GALNT17: variants seen among roughly 807,000 people sequenced by gnomAD.
GALNT17 encodes polypeptide N-acetylgalactosaminyltransferase 17, also known as UDP-GalNAc:polypeptide N-acetylgalactosaminyltransferase-like 3.
In GALNT17, 29 loss-of-function variants were observed where a neutral mutation model predicts 63.7. The ratio of observed to expected loss-of-function variants is 0.46; its 90% CI spans 0.34 to 0.62. GALNT17 has a LOEUF of 0.62. Among genes scored for constraint, GALNT17 ranks in the 20% least tolerant of loss-of-function variants. The pLI is 0.01. For synonymous variants in GALNT17, 305 were observed against 318.3 expected (o/e 0.96, Z 0.45); for missense variants, 603 against 799.6 (o/e 0.75, Z 2.97).
intron 2 of GALNT17, among the ~76,000 whole-genome samples, chr7:71,358,576 G>A (rs535094993): frequency 3.9e-5 from 6 of 152,142 alleles, no homozygotes; most frequent in South Asian, 4.2e-4. Context: ...TTTTCCTTGC[G>A]CTCTGTATGA....
At chr7:71,698,468 AT>A (rs1791578095) in intron 9 of GALNT17, among the ~76,000 whole-genome samples, 1 of 152,210 alleles carries the variant, frequency 6.6e-6, no homozygotes, top group South Asian at 2.1e-4. Context: ...AAGTGATCAG[AT>A]TTGGTATCCT....
chr7:71,219,325 AAT>A (rs1789542158), intron 1 of GALNT17, among the ~76,000 whole-genome samples: 1 of 152,144 alleles, frequency 6.6e-6, no homozygotes, highest in Non-Finnish European at 1.5e-5. Context: ...AGCCTTTACC[AAT>A]ATGTGTATCT....
At chr7:71,361,523 T>TC (rs1436657083) in intron 2 of GALNT17, among the ~76,000 whole-genome samples, 1 of 152,184 alleles carries the variant, frequency 6.6e-6, no homozygotes, top group African/African-American at 2.4e-5. Context: ...ATTTACTATA[T>TC]AGTAGACACA....
chr7:71,507,719 G>C (rs1788290307), intron 5 of GALNT17, among the ~76,000 whole-genome samples: 1 of 152,214 alleles, frequency 6.6e-6, no homozygotes, highest in African/African-American at 2.4e-5. Flanking sequence ...TTTATTACCT[G>C]TCAGGTAAAA....
intron 6 of GALNT17, among the ~76,000 whole-genome samples, chr7:71,603,925 T>C (rs554777348): frequency 8.2e-5 from 10 of 121,282 alleles, no homozygotes; most frequent in South Asian, 2.8e-4. Flanking sequence ...GCTAAGTGCA[T>C]TTACCAGGCA....
chr7:71,571,091 AACCCAGTACATGCTAGG>A, intron 5 of GALNT17, among the ~76,000 whole-genome samples, 177 bp from the exon 6 acceptor site: 1 of 108,014 alleles, frequency 9.3e-6, no homozygotes, highest in Non-Finnish European at 2.2e-5. Context: ...GCTAGGCTGG[AACCCAGTACATGCTAGG>A]CTGGAACCCA....
intron 1 of GALNT17, among the ~76,000 whole-genome samples, chr7:71,220,443 G>A (rs1337803790): frequency 6.6e-6 from 1 of 152,158 alleles, no homozygotes; most frequent in East Asian, 1.9e-4. Context: ...CACATTGTAC[G>A]TGACTTTCAT....
At chr7:71,446,220 C>A (rs576974560) in intron 5 of GALNT17, among the ~76,000 whole-genome samples, 1 of 152,186 alleles carries the variant, frequency 6.6e-6, no homozygotes, top group East Asian at 1.9e-4. Context: ...CCTAGGAGAC[C>A]AATCACTTTA....
At chr7:71,482,450 A>T (rs1000792978) in intron 5 of GALNT17, among the ~76,000 whole-genome samples, 1 of 152,070 alleles carries the variant, frequency 6.6e-6, no homozygotes, top group African/African-American at 2.4e-5. Flanking sequence ...GCACCTGCCG[A>T]CAGGGATACA....
At chr7:71,466,756 T>C (rs937919985) in intron 5 of GALNT17, among the ~76,000 whole-genome samples, 2 of 152,218 alleles carry the variant, frequency 1.3e-5, no homozygotes, top group East Asian at 3.9e-4. Flanking sequence ...AATTTAGCTC[T>C]TTTAACAGAT....
chr7:71,582,663 G>A (rs1332571848), intron 6 of GALNT17, among the ~76,000 whole-genome samples: 3 of 152,166 alleles, frequency 2.0e-5, no homozygotes, highest in Non-Finnish European at 4.4e-5. Context: ...AATGGCATTT[G>A]CAGCAACATG....
At chr7:71,348,898 A>T (rs73181662) in intron 2 of GALNT17, among the ~76,000 whole-genome samples, 2 of 152,104 alleles carry the variant, frequency 1.3e-5, no homozygotes, top group South Asian at 2.1e-4. Flanking sequence ...CTAGCAGTGC[A>T]CTGAGTTAAA....
At chr7:71,553,484 T>C (rs1375831785) in intron 5 of GALNT17, among the ~76,000 whole-genome samples, 1 of 152,200 alleles carries the variant, frequency 6.6e-6, no homozygotes, top group Non-Finnish European at 1.5e-5. Flanking sequence ...TGTTTATTTT[T>C]AAGACTTACG....
At chr7:71,560,742 G>T (rs1436701959) in intron 5 of GALNT17, among the ~76,000 whole-genome samples, 1 of 152,178 alleles carries the variant, frequency 6.6e-6, no homozygotes, top group Admixed American at 6.5e-5. Flanking sequence ...CCAACTAGGT[G>T]ACCATATAGG....
At chr7:71,319,740 C>A (rs1791569319) in intron 1 of GALNT17, among the ~76,000 whole-genome samples, 1 of 152,208 alleles carries the variant, frequency 6.6e-6, no homozygotes, top group Non-Finnish European at 1.5e-5. Context: ...ATTCAACATC[C>A]TTTGTTGCTC....
At chr7:71,421,548 A>G (rs954867563) in intron 5 of GALNT17, among the ~76,000 whole-genome samples, 2 of 152,110 alleles carry the variant, frequency 1.3e-5, no homozygotes, top group Non-Finnish European at 2.9e-5. Context: ...GAGGAACTGG[A>G]GGGATGTTGG....
chr7:71,611,832 G>A (rs1584089049), intron 6 of GALNT17, among the ~76,000 whole-genome samples: 1 of 152,138 alleles, frequency 6.6e-6, no homozygotes, highest in East Asian at 1.9e-4. Flanking sequence ...GTAAAGGGAT[G>A]GATGGAAGAA....
intron 6 of GALNT17, 91 bp from the exon 7 acceptor site, chr7:71,665,320 A>G (rs1584122026): frequency 7.5e-7 from 1 of 1,335,518 alleles, no homozygotes; most frequent in Non-Finnish European, 1.0e-6. Context: ...CGTTTATGCA[A>G]AGTCAGCTGA....
chr7:71,160,460 T>G (rs73361747), intron 1 of GALNT17, among the ~76,000 whole-genome samples: 2,814 of 152,290 alleles, frequency 0.018, 89 homozygotes, highest in African/African-American at 0.064. Context: ...AATGGTGTGA[T>G]GAACATTTTT....
Sources: allele counts gnomAD v4.1 joint callset (sites outside exome capture counted in the v4.1 genomes callset), GRCh38; gene constraint gnomAD v4.1.1; transcripts MANE v1.5; gene names NCBI Gene and HGNC (gene_info 2026-07-23, HGNC 2026-07-21).